CHRNA7: variants seen among roughly 807,000 people sequenced by gnomAD.
The protein encoded by CHRNA7 is cholinergic receptor nicotinic alpha 7 subunit.
In CHRNA7, 17 loss-of-function variants were observed where a neutral mutation model predicts 48.0. The ratio of observed to expected loss-of-function variants is 0.35; its 90% confidence interval spans 0.24 to 0.53. The LOEUF (loss-of-function observed/expected upper bound fraction) is 0.53, where lower values mean the gene tolerates loss of function less well. CHRNA7 is among the 20% of genes least tolerant of loss of function. The pLI is 0.92. For synonymous variants in CHRNA7, 75 were observed against 242.3 expected, an observed-to-expected ratio of 0.31 and a Z score of 6.41; for missense variants, 155 against 577.7, an observed-to-expected ratio of 0.27 and a Z score of 7.50.
At chr15:32,031,115 C>CA (rs1472701760) in intron 2 of CHRNA7, 78 bp downstream of exon 2, 2 of 1,577,634 alleles carry the variant, frequency 1.3e-6, no homozygotes, top group African/African-American at 2.7e-5. Flanking sequence ...GTCGGGCGGC[C>CA]AGGCGGTGGA....
chr15:32,168,764 T>TTATAC lies in CHRNA7; in HGVS notation c.*306_*307insTATAC. ...GGAAAGCCCTTCGGAGAGCTCCCCA[T>TTATAC]GGCTCCTCACCACCGAGACAGTTGG... is the stretch of plus-strand genomic sequence containing the variant. On this transcript the variant is annotated 3_prime_UTR_variant, in exon 10 of 10. Transcript: ENST00000306901. The TTATAC allele has an allele frequency of 5.3e-5, 2 of 37,540 alleles. No individual in the cohort carries two copies. The highest frequency in any genetic ancestry group is 4.9e-5 in the Non-Finnish European group (1 of 20,434). The allele number at this position is 37,540 out of a possible 1,614,324, so 2.3% of individuals were successfully genotyped here.
chr15:32,070,877 T>G (rs1595411937), intron 2 of CHRNA7, among the ~76,000 whole-genome samples: 1 of 151,634 alleles, frequency 6.6e-6, no homozygotes, highest in African/African-American at 2.4e-5. Context: ...TTAGTAGAGA[T>G]AGGGTTTCAC....
At chr15:32,101,732 A>G in intron 3 of CHRNA7, 1 of 185,330 alleles carries the variant, frequency 5.4e-6, no homozygotes, top group Non-Finnish European at 1.1e-5. Flanking sequence ...TGTTTGAATC[A>G]GGTGGAGTGT....
intron 4 of CHRNA7, among the ~76,000 whole-genome samples, chr15:32,122,534 T>C (rs183512818): frequency 6.6e-6 from 1 of 152,338 alleles, no homozygotes; most frequent in African/African-American, 2.4e-5. Flanking sequence ...GTTTCCTTTA[T>C]GGATCCTTTA....
intron 2 of CHRNA7, among the ~76,000 whole-genome samples, chr15:32,048,612 A>G (rs2049601752): frequency 1.3e-5 from 2 of 151,956 alleles, no homozygotes; most frequent in African/African-American, 4.8e-5. Context: ...GATCCTTTCA[A>G]AAAACCAGCT....
chr15:32,109,068 G>T (rs1421567347), intron 3 of CHRNA7, among the ~76,000 whole-genome samples: 1 of 152,158 alleles, frequency 6.6e-6, no homozygotes, highest in East Asian at 1.9e-4. Context: ...AGAATTCAGG[G>T]CGTGAAAGTA....
intron 2 of CHRNA7, among the ~76,000 whole-genome samples, chr15:32,090,185 A>G (rs867698229): frequency 1.3e-4 from 20 of 152,290 alleles, no homozygotes; most frequent in African/African-American, 4.8e-4. Flanking sequence ...CAGAAAGGCT[A>G]CAGGCTGCTG....
chr15:32,136,987 C>G (rs1170181652), intron 4 of CHRNA7, among the ~76,000 whole-genome samples: 27 of 138,764 alleles, frequency 1.9e-4, no homozygotes, highest in African/African-American at 2.5e-4. Flanking sequence ...AGCCGAGATC[C>G]CGCCACTGCA....
chr15:32,047,170 A>G (rs1466403938), intron 2 of CHRNA7, among the ~76,000 whole-genome samples: 1 of 135,296 alleles, frequency 7.4e-6, no homozygotes, highest in Non-Finnish European at 1.6e-5. Context: ...TTTTGGTTCC[A>G]TATGAACTTT....
intron 2 of CHRNA7, among the ~76,000 whole-genome samples, chr15:32,066,619 A>G (rs1049384254): frequency 6.6e-6 from 1 of 152,206 alleles, no homozygotes; most frequent in Non-Finnish European, 1.5e-5. Flanking sequence ...CAAAAAATAT[A>G]TGTATGAGAC....
chr15:32,127,083 C>T (rs1338853873), intron 4 of CHRNA7, among the ~76,000 whole-genome samples: 7 of 152,318 alleles, frequency 4.6e-5, no homozygotes, highest in Non-Finnish European at 1.0e-4. Flanking sequence ...CTGGCAAACA[C>T]TAATCCATCT....
intron 2 of CHRNA7, among the ~76,000 whole-genome samples, chr15:32,075,746 A>AT (rs566595119): frequency 4.0e-5 from 6 of 149,704 alleles, no homozygotes; most frequent in Admixed American, 6.6e-5. Context: ...TCTCTGGGAA[A>AT]TTTTTTTTTC....
In CHRNA7 at chr15:32,057,983, C is replaced by A. The variant is rs189669303; in HGVS notation, c.195+26946C>A. 2.9e-3 allele frequency among the ~76,000 whole-genome samples: 446 copies of A among 152,264 alleles called. 2 individuals are homozygous for A. Among genetic ancestry groups the A allele is most frequent in the African/African-American group, 0.01 (430 of 41,550 alleles). ...GATCTGTCCTGGAGGCTTCCCTGTTCTTTATATTACCGGTCTTGCATTTTA... is the reference window on the plus strand; with the variant it reads ...GATCTGTCCTGGAGGCTTCCCTGTTATTTATATTACCGGTCTTGCATTTTA... On this transcript the variant is annotated intron_variant, in intron 2 of 9. Coordinates refer to ENST00000306901, the MANE Select transcript of CHRNA7 (RefSeq NM_000746.6).
chr15:32,120,948 G>T (rs2050957600), intron 4 of CHRNA7, among the ~76,000 whole-genome samples: 1 of 152,130 alleles, frequency 6.6e-6, no homozygotes, highest in Non-Finnish European at 1.5e-5. Context: ...GCCAGGTGAG[G>T]GCCAGGGTCC....
intron 3 of CHRNA7, among the ~76,000 whole-genome samples, chr15:32,107,889 G>A (rs923648857): frequency 2.0e-5 from 3 of 152,054 alleles, no homozygotes; most frequent in Admixed American, 1.3e-4. Context: ...CCTCATCAGC[G>A]TAAACTCAGG....
intron 2 of CHRNA7, among the ~76,000 whole-genome samples, chr15:32,071,142 A>C (rs1457697639): frequency 1.3e-5 from 2 of 152,074 alleles, no homozygotes; most frequent in Non-Finnish European, 1.5e-5. Flanking sequence ...TGTTTCATTT[A>C]TCTATGTATT....
At chr15:32,138,657 G>T (rs2051316930) in intron 4 of CHRNA7, among the ~76,000 whole-genome samples, 1 of 152,004 alleles carries the variant, frequency 6.6e-6, no homozygotes, top group Admixed American at 6.6e-5. Context: ...TAGCTTCACT[G>T]CCCTAAAAAT....
intron 2 of CHRNA7, among the ~76,000 whole-genome samples, chr15:32,093,879 G>A (rs572101266): frequency 9.9e-5 from 15 of 152,166 alleles, no homozygotes; most frequent in East Asian, 9.7e-4. Flanking sequence ...CAGTGTTCTC[G>A]AACTGTGCAG....
intron 2 of CHRNA7, among the ~76,000 whole-genome samples, chr15:32,053,163 C>G (rs775356230): frequency 6.6e-6 from 1 of 152,160 alleles, no homozygotes; most frequent in Non-Finnish European, 1.5e-5. Flanking sequence ...TCTGTATAGA[C>G]TGAGAATTGT....
Sources: gnomAD v4.1 joint callset for allele counts (sites outside exome capture counted in the v4.1 genomes callset) on GRCh38, gnomAD v4.1.1 for gene constraint, MANE v1.5 for transcripts, NCBI Gene and HGNC (gene_info 2026-07-23, HGNC 2026-07-21) for gene names.